The following SMCO2 variants were observed in gnomAD, a reference collection of about 807,000 sequenced individuals.
The protein encoded by SMCO2 is single-pass membrane protein with coiled-coil domains 2.
Under a neutral mutation model 29.5 loss-of-function variants are expected in SMCO2, and 25 were observed. The ratio of observed to expected loss-of-function variants is 0.85; its 90% CI spans 0.62 to 1.18. The LOEUF (loss-of-function observed/expected upper bound fraction) is 1.18. Among genes scored for constraint, SMCO2 ranks in the 50% most tolerant of loss-of-function variants. The pLI is 0.00. For synonymous variants in SMCO2, 117 were observed against 123.3 expected (o/e 0.95, Z 0.34); for missense variants, 348 against 344.5 (o/e 1.01, Z -0.08).
the SMCO2 span, among the ~76,000 whole-genome samples, chr12:27,456,218 A>G: frequency 6.3e-3 from 967 of 152,366 alleles, 5 homozygotes; most frequent in Non-Finnish European, 0.01. Context: ...TCCATCTCAA[A>G]AAAAACGAAA....
At chr12:27,434,184 G>C in the SMCO2 span, among the ~76,000 whole-genome samples, 5 of 152,298 alleles carry the variant, frequency 3.3e-5, no homozygotes, top group African/African-American at 1.2e-4. Context: ...CTAATATGTG[G>C]TCCTGAGACT....
chr12:27,492,968 G>A lies in SMCO2; in HGVS notation c.451-1332G>A, dbSNP rs183221464. On this transcript the variant is annotated intron_variant, in intron 5 of 7. Transcript: ENST00000298876. ...CAATGACAGTTGGGATAAAGAAAAT[G>A]TGATACATATATACCATGGAATACT... Among the ~76,000 whole-genome samples, 8 of 152,276 alleles carry A rather than the reference G, an allele frequency of 5.3e-5. No individual in the cohort carries two copies. The East Asian group carries it at 1.5e-3, about 29-fold the overall frequency.
intron 7 of SMCO2, chr12:27,496,984 C>T (rs977212361): frequency 6.6e-6 from 1 of 152,602 alleles, no homozygotes; most frequent in Non-Finnish European, 1.5e-5. Context: ...TAGGAGAGAG[C>T]ATGTGCTGCC....
At chr12:27,429,158 TGTA>T in the SMCO2 span, among the ~76,000 whole-genome samples, 1 of 152,202 alleles carries the variant, frequency 6.6e-6, no homozygotes, top group Non-Finnish European at 1.5e-5. Flanking sequence ...ACTATTTCTT[TGTA>T]GTAACGTATT....
upstream of SMCO2, among the ~76,000 whole-genome samples, chr12:27,464,923 G>A (rs1592200776): frequency 6.6e-6 from 1 of 150,882 alleles, no homozygotes; most frequent in African/African-American, 2.4e-5. Context: ...CAGCTACTCA[G>A]GAGGCTGAGG....
At chr12:27,474,056 A>G (rs533931159) in intron 3 of SMCO2, among the ~76,000 whole-genome samples, 5 of 152,342 alleles carry the variant, frequency 3.3e-5, no homozygotes, top group African/African-American at 1.2e-4. Flanking sequence ...AGGTCAACTT[A>G]GAATTATGCA....
At chr12:27,461,937 G>A (rs184154370), upstream of SMCO2, among the ~76,000 whole-genome samples, 1 of 152,304 alleles carries the variant, frequency 6.6e-6, no homozygotes, top group Admixed American at 6.5e-5. Context: ...CTACAATCCT[G>A]TAGCACTTAC....
the SMCO2 span, among the ~76,000 whole-genome samples, chr12:27,460,144 A>T: frequency 6.6e-6 from 1 of 152,200 alleles, no homozygotes; most frequent in East Asian, 1.9e-4. Flanking sequence ...GACCATCTTT[A>T]TCTGTAAAAT....
the SMCO2 span, among the ~76,000 whole-genome samples, chr12:27,449,732 C>T: frequency 6.6e-6 from 1 of 152,348 alleles, no homozygotes; most frequent in Non-Finnish European, 1.5e-5. Context: ...TCCCACTCCC[C>T]TCTTGGTACA....
chr12:27,433,540 CACAT>C, the SMCO2 span, among the ~76,000 whole-genome samples: 9 of 125,746 alleles, frequency 7.2e-5, no homozygotes, highest in South Asian at 5.1e-4. Context: ...CACACACACA[CACAT>C]ATATCATATT....
At position 27,496,314 on chromosome 12, in the gene SMCO2, A is replaced by G. The variant is rs771099678; in HGVS notation, c.683+459A>G. The stretch of plus-strand genomic sequence containing the variant: ...GCTGCAAATACAGAGAAGCTTCTCT[A>G]TACATTTCTATAGATATATAAAGAT... On this transcript the variant is annotated intron_variant, in intron 7 of 7. Transcript: ENST00000298876. 5.3e-5 allele frequency among the ~76,000 whole-genome samples: 8 copies of G among 150,504 alleles called. 1 individual carries two copies. The highest frequency in any genetic ancestry group is 7.5e-5 in the African/African-American group (3 of 40,166).
chr12:27,501,415 C>CAAAA (rs540673188), intron 7 of SMCO2, among the ~76,000 whole-genome samples: 276 of 85,288 alleles, frequency 3.2e-3, no homozygotes, highest in East Asian at 5.1e-3. Context: ...GACTCCGTCT[C>CAAAA]AAAAAAAAAA....
chr12:27,491,747 A>G (rs528518111), intron 5 of SMCO2, among the ~76,000 whole-genome samples: 1 of 149,814 alleles, frequency 6.7e-6, no homozygotes, highest in East Asian at 1.9e-4. Flanking sequence ...TCTGTTGCCC[A>G]TGTTGGAAGA....
chr12:27,464,474 T>G (rs994401411), upstream of SMCO2, among the ~76,000 whole-genome samples: 2 of 151,956 alleles, frequency 1.3e-5, no homozygotes, highest in Non-Finnish European at 2.9e-5. Context: ...TTTGGGAGGC[T>G]GAGGCAGGAG....
In SMCO2 at chr12:27,468,611, T is replaced by A. The variant is rs1212452806; in HGVS notation, c.-11+1636T>A. On this transcript the variant is annotated intron_variant, in intron 1 of 7. Transcript: ENST00000298876. Reference sequence around the variant, plus strand: ...GTACTCAATAGAAACATGTGGCTAGTAGCTACTGTATCAAATAGTGTAGAG... The same window carrying A: ...GTACTCAATAGAAACATGTGGCTAGAAGCTACTGTATCAAATAGTGTAGAG... Among the ~76,000 whole-genome samples, 3 of 152,366 alleles carry A rather than the reference T, an allele frequency of 2.0e-5. No homozygotes were observed. The East Asian group carries it at 5.8e-4, about 29-fold the overall frequency.
chr12:27,478,672 C>G (rs531475313), intron 4 of SMCO2, among the ~76,000 whole-genome samples: 5 of 152,092 alleles, frequency 3.3e-5, no homozygotes, highest in Non-Finnish European at 5.9e-5. Context: ...CACATAGGTG[C>G]AGGCAGCAGG....
intron 4 of SMCO2, among the ~76,000 whole-genome samples, chr12:27,477,914 C>A (rs1205453800): frequency 6.6e-6 from 1 of 152,026 alleles, no homozygotes; most frequent in Non-Finnish European, 1.5e-5. Context: ...ATTCCCTTTT[C>A]ATTGGGATGT....
At chr12:27,454,834 T>G in the SMCO2 span, among the ~76,000 whole-genome samples, 1 of 152,228 alleles carries the variant, frequency 6.6e-6, no homozygotes, top group African/African-American at 2.4e-5. Flanking sequence ...TGTTTGGTTT[T>G]CTGCTCCTGT....
the SMCO2 span, among the ~76,000 whole-genome samples, chr12:27,428,818 C>CTT: frequency 0.057 from 7,413 of 130,006 alleles, 340 homozygotes; most frequent in Middle Eastern, 0.081. Context: ...AATAAATGTA[C>CTT]TTTTTTTTTT....
Sources: gnomAD v4.1 joint callset for allele counts (sites outside exome capture counted in the v4.1 genomes callset) on GRCh38, gnomAD v4.1.1 for gene constraint, MANE v1.5 for transcripts, NCBI Gene and HGNC (gene_info 2026-07-23, HGNC 2026-07-21) for gene names.